The following TRIM5 variants were observed in gnomAD, a reference collection of about 807,000 sequenced individuals.
The protein encoded by TRIM5 is tripartite motif-containing protein 5.
Under a neutral mutation model 35.6 loss-of-function variants are expected in TRIM5, and 31 were observed. That is an observed-to-expected ratio of 0.87 (90% CI 0.65 to 1.18). The LOEUF (loss-of-function observed/expected upper bound fraction) is 1.18, where lower values mean the gene tolerates loss of function less well. TRIM5 is among the 50% of genes most tolerant of loss of function. TRIM5 has a pLI of 0.00. For synonymous variants in TRIM5, 243 were observed against 215.6 expected, an observed-to-expected ratio of 1.13 and a Z score of -1.11; for missense variants, 609 against 591.6, an observed-to-expected ratio of 1.03 and a Z score of -0.31.
chr11:5,665,015 T>C lies in TRIM5; in HGVS notation c.1276A>G (p.Ile426Val), dbSNP rs374446720. Residue 426 changes from isoleucine (I) to valine (V), a missense_variant, in exon 8 of 8, where the codon ATT becomes GTT. By Grantham distance (29) the Ile-to-Val change is conservative (BLOSUM62 3). Transcript: ENST00000380034. ...SSFHTPSVPF[I>V]VPLSVIICPD... ...CAAATAATCACAGAGAGGGGCACAA[T>C]GAAAGGAACAGAAGGAGTATGGAAG... 1.1e-5 allele frequency: 17 copies of C among 1,614,040 alleles called. No individual in the cohort carries two copies. Among genetic ancestry groups the C allele is most frequent in the East Asian group, 2.2e-5 (1 of 44,880 alleles).
chr11:5,603,380 C>T, the TRIM5 span: 1 of 1,614,088 alleles, frequency 6.2e-7, no homozygotes, highest in South Asian at 1.1e-5. Flanking sequence ...GAGCTCCTAA[C>T]AGAACCCCTG....
At chr11:5,679,229 T>A in intron 2 of TRIM5, 60 bp from the exon 3 acceptor site, 3 of 1,414,816 alleles carry the variant, frequency 2.1e-6, no homozygotes, top group South Asian at 1.2e-5. Context: ...CTAGATAGAG[T>A]ATAAACATGA....
At chr11:5,655,579 C>A in the TRIM5 span, 5 of 914,164 alleles carry the variant, frequency 5.5e-6, no homozygotes, top group Non-Finnish European at 6.5e-6. Flanking sequence ...ACATTCATTT[C>A]TTGGTCATCC....
At chr11:5,627,574 A>G in the TRIM5 span, among the ~76,000 whole-genome samples, 1 of 152,238 alleles carries the variant, frequency 6.6e-6, no homozygotes, top group African/African-American at 2.4e-5. Flanking sequence ...AAATGATTCT[A>G]TGTTAAAAAA....
the TRIM5 span, among the ~76,000 whole-genome samples, chr11:5,652,048 G>A: frequency 2.6e-5 from 4 of 152,086 alleles, no homozygotes; most frequent in South Asian, 2.1e-4. Flanking sequence ...TATATTAACC[G>A]TTTGTCAGGT....
chr11:5,643,100 A>T, the TRIM5 span: 2 of 1,180,284 alleles, frequency 1.7e-6, no homozygotes, highest in Non-Finnish European at 2.2e-6. Context: ...CACACAGATG[A>T]TTATATTCAT....
the TRIM5 span, chr11:5,610,434 A>AC: frequency 1.2e-6 from 2 of 1,604,404 alleles, no homozygotes; most frequent in Non-Finnish European, 1.7e-6. Flanking sequence ...TGACATCCTC[A>AC]CAGGATTCCT....
the TRIM5 span, among the ~76,000 whole-genome samples, chr11:5,591,315 A>C: frequency 1.3e-5 from 2 of 152,220 alleles, no homozygotes. Context: ...ACCTTTTGAG[A>C]AAAGCAAAGC....
chr11:5,604,853 C>T, the TRIM5 span: 2 of 502,978 alleles, frequency 4.0e-6, no homozygotes, highest in Non-Finnish European at 6.9e-6. Context: ...AGCAGAGGAA[C>T]CATGGCTAGG....
the TRIM5 span, among the ~76,000 whole-genome samples, chr11:5,629,087 G>GC: frequency 6.6e-6 from 1 of 152,068 alleles, no homozygotes; most frequent in African/African-American, 2.4e-5. Flanking sequence ...GACCAGCATG[G>GC]CCAACATGGT....
chr11:5,645,396 A>C, the TRIM5 span, among the ~76,000 whole-genome samples: 1 of 151,354 alleles, frequency 6.6e-6, no homozygotes, highest in Non-Finnish European at 1.5e-5. Context: ...CTGTCTCAAA[A>C]AAAAAAAAAA....
chr11:5,643,333 G>C, the TRIM5 span: 1 of 1,613,858 alleles, frequency 6.2e-7, no homozygotes, highest in Non-Finnish European at 8.5e-7. Context: ...TGGATCCTGG[G>C]GGTATACTGT....
At chr11:5,677,909 G>T (rs1852115919) in intron 4 of TRIM5, 2 of 250,264 alleles carry the variant, frequency 8.0e-6, no homozygotes, top group African/African-American at 4.4e-5. Flanking sequence ...ATGAAAAGCT[G>T]CACTGGTAAG....
chr11:5,678,347 G>C lies in TRIM5; in HGVS notation c.601C>G (p.Gln201Glu). Residue 201 changes from glutamine to glutamate, a missense_variant, in exon 4 of 8, where the codon CAA becomes GAA. Coordinates refer to ENST00000380034, the MANE Select transcript of TRIM5 (RefSeq NM_033034.3). ...TCTTCCTCCTCCTTCTCCAGGTTTT[G>C]CAGCTCATTGCTCTCCTCCCAGTCC... ...ILDWEESNEL[Q>E]NLEKEEEDIL... The C allele has an allele frequency of 1.9e-6, 3 of 1,613,640 alleles. No individual in the cohort carries two copies. The East Asian group carries it at 6.7e-5, about 36-fold the overall frequency.
At chr11:5,684,712 G>A (rs975081585) in intron 1 of TRIM5, among the ~76,000 whole-genome samples, 156 bp downstream of exon 1, 24 of 152,084 alleles carry the variant, frequency 1.6e-4, no homozygotes, top group African/African-American at 4.8e-4. Flanking sequence ...ACCAGCCTTC[G>A]GGAAACAAAG....
At chr11:5,603,484 G>T in the TRIM5 span, 1 of 1,614,100 alleles carries the variant, frequency 6.2e-7, no homozygotes, top group Middle Eastern at 1.6e-4. Context: ...AAGCTGCCCT[G>T]TGTGCCAGAC....
At chr11:5,677,381 A>G (rs1365961716) in intron 4 of TRIM5, among the ~76,000 whole-genome samples, 1 of 152,248 alleles carries the variant, frequency 6.6e-6, no homozygotes, top group Admixed American at 6.5e-5. Flanking sequence ...CATCAGAGAA[A>G]TGCAAATCAA....
At chr11:5,608,528 G>C in the TRIM5 span, 18 of 1,385,166 alleles carry the variant, frequency 1.3e-5, no homozygotes, top group Admixed American at 4.4e-4. Context: ...GCATCACATG[G>C]AGTTTTGGCA....
chr11:5,641,359 T>C, the TRIM5 span: 12 of 1,445,558 alleles, frequency 8.3e-6, no homozygotes, highest in Non-Finnish European at 1.1e-5. Context: ...GTTCCGTAAC[T>C]ATTAATGGAC....
Sources: gnomAD v4.1 joint callset for allele counts (sites outside exome capture counted in the v4.1 genomes callset) on GRCh38, gnomAD v4.1.1 for gene constraint, MANE v1.5 for transcripts, NCBI Gene and HGNC (gene_info 2026-07-23, HGNC 2026-07-21) for gene names.